KLRD1: variants seen among roughly 807,000 people sequenced by gnomAD.
KLRD1 encodes natural killer cells antigen CD94.
A neutral mutation model predicts 22.6 loss-of-function variants in KLRD1; 21 were observed. The observed-to-expected ratio is 0.93, with a 90% CI of 0.66 to 1.34. The LOEUF (loss-of-function observed/expected upper bound fraction) is 1.34. Among genes scored for constraint, KLRD1 ranks in the 40% most tolerant of loss-of-function variants. KLRD1 has a pLI of 0.00. For synonymous variants in KLRD1, 59 were observed against 71.1 expected, an observed-to-expected ratio of 0.83 and a Z score of 0.85; for missense variants, 183 against 208.6, an observed-to-expected ratio of 0.88 and a Z score of 0.76.
At chr12:10,309,185 T>C (rs1471600965) in intron 1 of KLRD1, 1 of 444,582 alleles carries the variant, frequency 2.2e-6, no homozygotes, top group East Asian at 3.5e-5. Flanking sequence ...TTGAATAATC[T>C]TCCTGAAGAA....
At chr12:10,266,865 C>CTTTTTTTTT (rs148285255) in intron 1 of KLRD1, among the ~76,000 whole-genome samples, 3 of 142,528 alleles carry the variant, frequency 2.1e-5, no homozygotes, top group Non-Finnish European at 3.0e-5. Context: ...AGCCTTATTT[C>CTTTTTTTTT]TTTTTTTTGT....
chr12:10,284,426 G>A (rs1420485406), intron 1 of KLRD1, among the ~76,000 whole-genome samples: 3 of 152,104 alleles, frequency 2.0e-5, no homozygotes, highest in Non-Finnish European at 2.9e-5. Context: ...CAGGAGATAA[G>A]TCCCCAGTTC....
At chr12:10,247,854 T>C (rs1481102713) in intron 1 of KLRD1, among the ~76,000 whole-genome samples, 1 of 152,228 alleles carries the variant, frequency 6.6e-6, no homozygotes, top group African/African-American at 2.4e-5. Flanking sequence ...CTTCCCCTTC[T>C]GCCACGATTG....
chr12:10,277,072 A>G (rs1222519143), intron 1 of KLRD1, among the ~76,000 whole-genome samples: 1 of 151,982 alleles, frequency 6.6e-6, no homozygotes, highest in Admixed American at 6.6e-5. Context: ...AATTAAGCAG[A>G]ATGAATGAAA....
At chr12:10,279,918 G>T (rs2137652759) in intron 1 of KLRD1, among the ~76,000 whole-genome samples, 1 of 152,254 alleles carries the variant, frequency 6.6e-6, no homozygotes, top group Admixed American at 6.5e-5. Context: ...CCACATCCAG[G>T]CTTGCAAATC....
intron 1 of KLRD1, among the ~76,000 whole-genome samples, chr12:10,258,508 T>C (rs1323011190): frequency 6.6e-6 from 1 of 152,180 alleles, no homozygotes; most frequent in African/African-American, 2.4e-5. Context: ...TAGCCAGTGA[T>C]AAGTTGTTCA....
At chr12:10,241,654 G>C (rs1302122019) in intron 1 of KLRD1, among the ~76,000 whole-genome samples, 1 of 152,052 alleles carries the variant, frequency 6.6e-6, no homozygotes, top group Non-Finnish European at 1.5e-5. Context: ...AGAAAAGGGA[G>C]GCCAGAGAAC....
intron 1 of KLRD1, among the ~76,000 whole-genome samples, chr12:10,291,540 C>T (rs1354571971): frequency 6.6e-6 from 1 of 151,864 alleles, no homozygotes; most frequent in Admixed American, 6.6e-5. Flanking sequence ...CAAGAAATGT[C>T]TCTTTCCTCA....
chr12:10,289,332 G>A (rs2137664927), intron 1 of KLRD1, among the ~76,000 whole-genome samples: 1 of 152,222 alleles, frequency 6.6e-6, no homozygotes, highest in South Asian at 2.1e-4. Context: ...CTATATAAAG[G>A]ACTAACCTAT....
At position 10,324,273 on chromosome 12, in the gene KLRD1, T is replaced by C. The variant is rs1446987397; in HGVS notation, c.*9480T>C. The C allele has an allele frequency of 6.6e-6, 1 of 152,210 alleles. No individual in the cohort carries two copies. The highest frequency in any genetic ancestry group is 1.5e-5 in the Non-Finnish European group (1 of 68,058). 9.4% of individuals were successfully genotyped at this position (152,210 alleles called of 1,614,324 possible). On this transcript the variant is annotated 3_prime_UTR_variant, in exon 6 of 6. Coordinates refer to ENST00000336164, the MANE Select transcript of KLRD1 (RefSeq NM_002262.5). ...TTTCGTTTTAGGTTCAGGGTATATA[T>C]GTAGGCTTCTTATATGAGTACATTG...
At chr12:10,278,008 C>T (rs1949607236) in intron 1 of KLRD1, among the ~76,000 whole-genome samples, 1 of 152,194 alleles carries the variant, frequency 6.6e-6, no homozygotes, top group African/African-American at 2.4e-5. Flanking sequence ...GACATGACAA[C>T]ACAGCGACCA....
chr12:10,278,902 A>G (rs1227107190), intron 1 of KLRD1, among the ~76,000 whole-genome samples: 2 of 151,058 alleles, frequency 1.3e-5, no homozygotes, highest in Admixed American at 6.6e-5. Context: ...GTTAAATATG[A>G]TAAATGGCTT....
intron 1 of KLRD1, among the ~76,000 whole-genome samples, chr12:10,240,470 C>T (rs1012780102): frequency 6.6e-6 from 1 of 151,798 alleles, no homozygotes; most frequent in Non-Finnish European, 1.5e-5. Flanking sequence ...TCTTCACTTA[C>T]GTTCTCTGCT....
intron 1 of KLRD1, among the ~76,000 whole-genome samples, chr12:10,294,599 C>A (rs1949805530): frequency 8.3e-6 from 1 of 120,324 alleles, no homozygotes; most frequent in African/African-American, 2.6e-5. Context: ...AGGGTTTCAC[C>A]ACATTGGCCA....
At chr12:10,302,186 G>A (rs920450182), upstream of KLRD1, among the ~76,000 whole-genome samples, 18 of 152,138 alleles carry the variant, frequency 1.2e-4, no homozygotes, top group Non-Finnish European at 2.6e-4. Flanking sequence ...TGGAAAAAAT[G>A]GTGTTGATAG....
chr12:10,257,907 A>T (rs1351806654), intron 1 of KLRD1, among the ~76,000 whole-genome samples: 3 of 151,940 alleles, frequency 2.0e-5, no homozygotes, highest in Admixed American at 6.6e-5. Context: ...AGGTCTTGGG[A>T]TTAGCTTTAG....
At position 10,327,502 on chromosome 12, in the gene KLRD1, A is replaced by G. The variant is rs1187833464; in HGVS notation, c.*12709A>G. 6.6e-6 allele frequency: 1 copy of G among 152,200 alleles called. No individual in the cohort carries two copies. Among genetic ancestry groups the G allele is most frequent in the Non-Finnish European group, 1.5e-5 (1 of 68,026 alleles). 9.4% of individuals were successfully genotyped at this position (152,200 alleles called of 1,614,324 possible). ...TGTGAAATACAAATATTTTAACTAT[A>G]TGAAGTCTTTTAATAAATGAATATA... On this transcript the variant is annotated 3_prime_UTR_variant, in exon 6 of 6. Transcript: ENST00000336164.
rs1050315629 is a variant in KLRD1 at position 10,326,134 on chromosome 12, A to T, written c.*11341A>T. On this transcript the variant is annotated 3_prime_UTR_variant, in exon 6 of 6. Transcript: ENST00000336164. ...GAAGAAATGACCATTCAAGTCTTTG[A>T]TACATTTTTTAATTGGGTTACTTGT... 2.6e-5 allele frequency: 4 copies of T among 152,080 alleles called. No homozygotes were observed. Among genetic ancestry groups the T allele is most frequent in the African/African-American group, 9.7e-5 (4 of 41,404 alleles). The allele number at this position is 152,080 out of a possible 1,614,324, so 9.4% of individuals were successfully genotyped here. A position where few individuals can be genotyped will look rare whatever the true frequency, so the allele number is the denominator to read the frequency against.
intron 1 of KLRD1, among the ~76,000 whole-genome samples, chr12:10,256,587 C>G (rs1407121823): frequency 6.6e-6 from 1 of 151,716 alleles, no homozygotes; most frequent in Non-Finnish European, 1.5e-5. Flanking sequence ...AACTAAAACT[C>G]TACTCCTACA....
Sources: gnomAD v4.1 joint callset for allele counts (sites outside exome capture counted in the v4.1 genomes callset) on GRCh38, gnomAD v4.1.1 for gene constraint, MANE v1.5 for transcripts, NCBI Gene and HGNC (gene_info 2026-07-23, HGNC 2026-07-21) for gene names.